ST7: variants seen among roughly 807,000 people sequenced by gnomAD.
The protein encoded by ST7 is suppression of tumorigenicity 7, also known as suppressor of tumorigenicity 7 protein.
A neutral mutation model predicts 78.7 loss-of-function variants in ST7; 28 were observed. The ratio of observed to expected loss-of-function variants is 0.36; its 90% confidence interval spans 0.26 to 0.49. The LOEUF (loss-of-function observed/expected upper bound fraction) is 0.49. Ranked by LOEUF, ST7 falls within the 20% of genes least tolerant of loss-of-function variation. The pLI, the probability that ST7 is intolerant of heterozygous loss-of-function variation, is 0.99. For missense variants in ST7, 418 were observed against 696.0 expected (o/e 0.60, Z 4.49); for synonymous variants, 247 against 249.6 (o/e 0.99, Z 0.10).
intron 12 of ST7, chr7:117,198,325 G>A: frequency 4.4e-6 from 2 of 456,426 alleles, no homozygotes; most frequent in Non-Finnish European, 8.8e-6. Flanking sequence ...TGCAGGCTAG[G>A]TGGAAATAGA....
intron 1 of ST7, among the ~76,000 whole-genome samples, chr7:117,094,017 G>A (rs1250986476): frequency 1.3e-5 from 2 of 152,150 alleles, no homozygotes; most frequent in Non-Finnish European, 2.9e-5. Context: ...TTGTTAGAGA[G>A]AAGTCCTCCA....
At chr7:116,981,198 TC>T (rs956260513) in intron 1 of ST7, among the ~76,000 whole-genome samples, 6 of 151,872 alleles carry the variant, frequency 4.0e-5, no homozygotes, top group African/African-American at 9.7e-5. Flanking sequence ...AGCCTCGACC[TC>T]CCAGGCTCAA....
At chr7:117,074,545 A>G (rs1053844481) in intron 1 of ST7, 1 of 152,238 alleles carries the variant, frequency 6.6e-6, no homozygotes, top group Non-Finnish European at 1.5e-5. Context: ...GTTAGACAGA[A>G]GATAATGCAA....
At chr7:116,967,359 T>G (rs913582606) in intron 1 of ST7, 1 of 471,172 alleles carries the variant, frequency 2.1e-6, no homozygotes, top group African/African-American at 2.0e-5. Context: ...CTCTCACTTC[T>G]GGCTCCTGGT....
At chr7:116,985,440 A>G (rs999377282) in intron 1 of ST7, among the ~76,000 whole-genome samples, 3 of 152,204 alleles carry the variant, frequency 2.0e-5, no homozygotes, top group African/African-American at 7.2e-5. Context: ...GACATTTCAC[A>G]CTCAAATGTA....
chr7:116,967,297 T>C (rs1478635227), intron 1 of ST7: 3 of 470,998 alleles, frequency 6.4e-6, no homozygotes, highest in Non-Finnish European at 1.3e-5. Context: ...ATACCCGCAG[T>C]GGTGGTGGCC....
chr7:117,097,783 C>T (rs1208554285), intron 1 of ST7, among the ~76,000 whole-genome samples: 1 of 142,218 alleles, frequency 7.0e-6, no homozygotes, highest in African/African-American at 2.6e-5. Flanking sequence ...AATCTCCTTC[C>T]TTCCACGAAC....
chr7:117,101,128 G>A (rs564882145), intron 2 of ST7, among the ~76,000 whole-genome samples: 177 of 152,262 alleles, frequency 1.2e-3, no homozygotes, highest in Non-Finnish European at 1.9e-3. Flanking sequence ...GGCAGTGTGG[G>A]GAGGATCTTT....
At chr7:117,091,598 G>A (rs1042831911) in intron 1 of ST7, among the ~76,000 whole-genome samples, 7 of 152,112 alleles carry the variant, frequency 4.6e-5, no homozygotes, top group East Asian at 1.9e-4. Context: ...AGAAACGCTC[G>A]GGGCACATAG....
intron 1 of ST7, among the ~76,000 whole-genome samples, chr7:116,989,593 C>T (rs1794336587): frequency 6.6e-6 from 1 of 151,668 alleles, no homozygotes; most frequent in Non-Finnish European, 1.5e-5. Context: ...AATCCCAGCA[C>T]TTTGGGAGGC....
intron 10 of ST7, among the ~76,000 whole-genome samples, chr7:117,187,333 T>G (rs1809357066): frequency 6.6e-6 from 1 of 152,212 alleles, no homozygotes; most frequent in Non-Finnish European, 1.5e-5. Flanking sequence ...CTCTTTGATA[T>G]TGATTAAAAT....
chr7:117,113,618 G>A (rs1802614828), intron 2 of ST7, among the ~76,000 whole-genome samples: 1 of 152,088 alleles, frequency 6.6e-6, no homozygotes, highest in African/African-American at 2.4e-5. Flanking sequence ...TTTAGAATAG[G>A]CAGGAACCAT....
At chr7:117,187,239 C>A (rs1672414918) in intron 10 of ST7, among the ~76,000 whole-genome samples, 2 of 152,102 alleles carry the variant, frequency 1.3e-5, no homozygotes, top group Admixed American at 1.3e-4. Context: ...TCAGTGAGAA[C>A]AAAATAACTT....
intron 12 of ST7, 108 bp downstream of exon 12, chr7:117,191,044 C>A: frequency 1.1e-6 from 1 of 872,668 alleles, no homozygotes; most frequent in Admixed American, 2.1e-5. Context: ...TGAATTGCAA[C>A]CAACAAATGT....
intron 1 of ST7, among the ~76,000 whole-genome samples, chr7:117,054,911 A>G (rs1298856761): frequency 7.2e-5 from 11 of 152,216 alleles, no homozygotes; most frequent in Admixed American, 5.2e-4. Context: ...AATTAGGAAT[A>G]TTAGGCATTG....
intron 9 of ST7, among the ~76,000 whole-genome samples, chr7:117,142,217 C>A (rs895708314): frequency 6.6e-6 from 1 of 152,056 alleles, no homozygotes; most frequent in African/African-American, 2.4e-5. Flanking sequence ...GGGCTGATGA[C>A]CATGGTCTAG....
intron 12 of ST7, among the ~76,000 whole-genome samples, chr7:117,200,652 C>G (rs1810738653): frequency 6.6e-6 from 1 of 152,058 alleles, no homozygotes; most frequent in Non-Finnish European, 1.5e-5. Flanking sequence ...GCACTCATTT[C>G]AGCAGCGGGG....
chr7:116,991,827 G>A (rs1449864449), intron 1 of ST7, among the ~76,000 whole-genome samples: 2 of 152,206 alleles, frequency 1.3e-5, no homozygotes, highest in East Asian at 3.8e-4. Context: ...AGCCTGTAAA[G>A]TCAAAAGCAA....
chr7:117,191,424 C>T (rs1241239091), intron 12 of ST7, among the ~76,000 whole-genome samples: 2 of 152,000 alleles, frequency 1.3e-5, no homozygotes, highest in African/African-American at 4.8e-5. Context: ...TTGCTTTGTA[C>T]CATTTTAATA....
Sources: allele counts gnomAD v4.1 joint callset (sites outside exome capture counted in the v4.1 genomes callset), GRCh38; gene constraint gnomAD v4.1.1; transcripts MANE v1.5; gene names NCBI Gene and HGNC (gene_info 2026-07-23, HGNC 2026-07-21).